Variants in RBFOX1 observed in about 807,000 individuals in gnomAD.
RBFOX1 encodes RNA binding fox-1 homolog 1.
Under a neutral mutation model 57.7 loss-of-function variants are expected in RBFOX1, and 8 were observed. The observed-to-expected ratio is 0.14, with a 90% CI of 0.08 to 0.25. The LOEUF (loss-of-function observed/expected upper bound fraction) is 0.25, where lower values mean the gene tolerates loss of function less well. RBFOX1 is among the 10% of genes least tolerant of loss of function. The pLI is 1.00. For missense variants in RBFOX1, 611 were observed against 548.5 expected, an observed-to-expected ratio of 1.11 and a Z score of -1.14; for synonymous variants, 326 against 222.4, an observed-to-expected ratio of 1.47 and a Z score of -4.15.
At chr16:7,315,091 C>CTT (rs1555699718) in intron 4 of RBFOX1, among the ~76,000 whole-genome samples, 4 of 27,034 alleles carry the variant, frequency 1.5e-4, no homozygotes, top group Admixed American at 5.8e-4. Flanking sequence ...GAGAAAAGCT[C>CTT]TTTTTTTTTT....
At position 6,784,603 on chromosome 16, in the gene RBFOX1, A is replaced by G. The variant is rs572516640; in HGVS notation, c.-16+129953A>G. Among the ~76,000 whole-genome samples, 8 of 152,088 alleles carry G rather than the reference A, an allele frequency of 5.3e-5. No homozygotes were observed. The East Asian group carries it at 5.8e-4, about 11-fold the overall frequency. On this transcript the variant is annotated intron_variant, in intron 3 of 15. Coordinates refer to ENST00000550418, the MANE Select transcript of RBFOX1 (RefSeq NM_018723.4). ...AGAGGTCACATATCTCTGTATCTCT[A>G]GGATTGATCACTGATACTTTATTTA...
At chr16:7,657,317 T>G (rs1275704443) in intron 12 of RBFOX1, among the ~76,000 whole-genome samples, 2 of 152,148 alleles carry the variant, frequency 1.3e-5, no homozygotes, top group Non-Finnish European at 2.9e-5. Flanking sequence ...AAAAAAAATT[T>G]TTTTTGAGAC....
chr16:5,553,480 TA>T (rs1184687695), intron 2 of RBFOX1, among the ~76,000 whole-genome samples: 2 of 151,974 alleles, frequency 1.3e-5, no homozygotes, highest in African/African-American at 4.8e-5. Flanking sequence ...CACGCCTGGC[TA>T]ATTTTTTGTA....
At position 5,946,183 on chromosome 16, in the gene RBFOX1, C is replaced by A. The variant is rs571362810; in HGVS notation, c.351+78848C>A. On this transcript the variant is annotated intron_variant, in intron 4 of 19. Coordinates refer to the RBFOX1 transcript ENST00000641259. The surrounding 1 kb of genome is among the most constrained non-coding windows in gnomAD (Gnocchi z 4.6). ...CAGGATGTGATGGAAAGTGCACAGA[C>A]GGCCCGAGGTGGGGGCCAGGCTCTG... Among the ~76,000 whole-genome samples, 1 of 152,316 alleles carries A rather than the reference C, an allele frequency of 6.6e-6. No homozygotes were observed. Among genetic ancestry groups the A allele is most frequent in the South Asian group, 2.1e-4 (1 of 4,826 alleles).
chr16:6,784,619 A>C (rs546317125), intron 3 of RBFOX1, among the ~76,000 whole-genome samples: 2 of 152,088 alleles, frequency 1.3e-5, no homozygotes, highest in East Asian at 3.9e-4. Context: ...GATCACTGAT[A>C]CTTTATTTAG....
At chr16:6,639,589 A>G (rs1393675361) in intron 2 of RBFOX1, among the ~76,000 whole-genome samples, 1 of 152,192 alleles carries the variant, frequency 6.6e-6, no homozygotes, top group African/African-American at 2.4e-5. Flanking sequence ...AAAGATTACA[A>G]TTGTGGGCCG....
chr16:7,035,955 C>G (rs2044283119), intron 3 of RBFOX1, among the ~76,000 whole-genome samples: 1 of 152,146 alleles, frequency 6.6e-6, no homozygotes, highest in African/African-American at 2.4e-5. Context: ...GACAACTGAA[C>G]TGGAAAATTA....
intron 2 of RBFOX1, among the ~76,000 whole-genome samples, chr16:6,392,625 A>T (rs1355169270): frequency 6.6e-6 from 1 of 152,210 alleles, no homozygotes; most frequent in African/African-American, 2.4e-5. Flanking sequence ...ACACTGAGGA[A>T]CCTTTTCCTG....
intron 4 of RBFOX1, among the ~76,000 whole-genome samples, chr16:7,348,617 G>A (rs1181819563): frequency 1.3e-5 from 2 of 152,314 alleles, no homozygotes; most frequent in African/African-American, 2.4e-5. Flanking sequence ...ACAAAGAAGA[G>A]AAAGTAGCAA....
intron 1 of RBFOX1, among the ~76,000 whole-genome samples, chr16:6,162,051 A>G (rs992065020): frequency 1.3e-5 from 2 of 152,328 alleles, no homozygotes; most frequent in South Asian, 4.1e-4. Flanking sequence ...TATAGGAAAG[A>G]AAACGCCTTT....
In RBFOX1 at chr16:5,790,283, A is replaced by G. The variant is rs77035292; in HGVS notation, c.319-77020A>G. Reference sequence around the variant, plus strand: ...CTGGGAAGTGGAGCCCAGTTGTGTAACCAGGAAGAATACAAGAATGACACG... The same window carrying G: ...CTGGGAAGTGGAGCCCAGTTGTGTAGCCAGGAAGAATACAAGAATGACACG... On this transcript the variant is annotated intron_variant, in intron 3 of 19. Transcript: ENST00000641259. 8.8e-3 allele frequency among the ~76,000 whole-genome samples: 1,334 copies of G among 152,268 alleles called. 20 individuals carry two copies. Among genetic ancestry groups the G allele is most frequent in the African/African-American group, 0.03 (1,238 of 41,528 alleles).
intron 2 of RBFOX1, among the ~76,000 whole-genome samples, chr16:6,584,989 T>C (rs1299479408): frequency 6.6e-6 from 1 of 152,166 alleles, no homozygotes; most frequent in East Asian, 1.9e-4. Flanking sequence ...AAAAGGATGC[T>C]CAACCAAAGC....
At chr16:7,459,717 A>G (rs1330778548) in intron 4 of RBFOX1, among the ~76,000 whole-genome samples, 1 of 152,240 alleles carries the variant, frequency 6.6e-6, no homozygotes, top group Non-Finnish European at 1.5e-5. Context: ...TGCACCTGGA[A>G]ATAGCACCAG....
chr16:7,426,240 T>G (rs1435028978), intron 4 of RBFOX1, among the ~76,000 whole-genome samples: 1 of 152,058 alleles, frequency 6.6e-6, no homozygotes, highest in Non-Finnish European at 1.5e-5. Flanking sequence ...ACAAATTGAG[T>G]CTTTTTTCTG....
At chr16:5,576,080 A>G (rs1369672649) in intron 2 of RBFOX1, among the ~76,000 whole-genome samples, 3 of 152,044 alleles carry the variant, frequency 2.0e-5, no homozygotes, top group Non-Finnish European at 4.4e-5. Context: ...TCCGTTGCCC[A>G]GGTTCAAGCA....
At chr16:6,009,247 G>A (rs1450928143) in intron 4 of RBFOX1, among the ~76,000 whole-genome samples, 3 of 152,080 alleles carry the variant, frequency 2.0e-5, no homozygotes, top group Non-Finnish European at 4.4e-5. Context: ...AGCCACGATG[G>A]TACCTCATTC....
intron 2 of RBFOX1, among the ~76,000 whole-genome samples, chr16:6,382,580 C>G (rs1263422380): frequency 6.6e-6 from 1 of 152,180 alleles, no homozygotes; most frequent in East Asian, 1.9e-4. Flanking sequence ...GCTTTTAAGA[C>G]TGGGTGCAGT....
chr16:7,499,617 C>G (rs552570549), intron 4 of RBFOX1, among the ~76,000 whole-genome samples: 6 of 152,194 alleles, frequency 3.9e-5, no homozygotes, highest in Admixed American at 6.5e-5. Context: ...AGAAGATAGA[C>G]ACGTTAAAAA....
chr16:6,532,778 C>T (rs1185402455), intron 2 of RBFOX1, among the ~76,000 whole-genome samples: 3 of 152,190 alleles, frequency 2.0e-5, no homozygotes, highest in African/African-American at 4.8e-5. Context: ...ACCGTCCCCA[C>T]TCCTGTGTTA....
Sources: allele counts gnomAD v4.1 joint callset (sites outside exome capture counted in the v4.1 genomes callset), GRCh38; gene constraint gnomAD v4.1.1; non-coding constraint Gnocchi (gnomAD v3.1); transcripts MANE v1.5; gene names NCBI Gene and HGNC (gene_info 2026-07-23, HGNC 2026-07-21).